Variants in RNF103 observed in about 807,000 individuals in gnomAD.
RNF103 encodes E3 ubiquitin-protein ligase RNF103.
In RNF103, 23 loss-of-function variants were observed where a neutral mutation model predicts 66.2. The ratio of observed to expected loss-of-function variants is 0.35; its 90% CI spans 0.25 to 0.49. RNF103 has a LOEUF of 0.49. Ranked by LOEUF, RNF103 falls within the 20% of genes least tolerant of loss-of-function variation. RNF103 has a pLI of 0.98. For missense variants in RNF103, 730 were observed against 814.7 expected (o/e 0.90, Z 1.27); for synonymous variants, 297 against 289.9 (o/e 1.02, Z -0.25).
intron 2 of RNF103, 57 bp downstream of exon 2, chr2:86,620,273 G>C: frequency 6.6e-7 from 1 of 1,519,978 alleles, no homozygotes; most frequent in South Asian, 1.3e-5. Flanking sequence ...ATACTATTTT[G>C]GTAAAAATAA....
rs777857991 is a variant in RNF103, at chr2:86,604,287, G to C, written c.1614C>G (p.Asp538Glu). 3.7e-6 allele frequency: 6 copies of C among 1,614,046 alleles called. No homozygotes were observed. In the East Asian group the frequency reaches 1.3e-4, roughly 36 times the overall value. ...AAGTGTCTGTGTTCTCACTTTCCGA[G>C]TCATTTTCAGTATCTTGAGACCCCT... Reference protein sequence around the residue: ...MSEGSQDTENDSESENTDTLS... With the variant: ...MSEGSQDTENESESENTDTLS... Residue 538 changes from aspartate (D) to glutamate (E), a missense_variant, in exon 4 of 4, where the codon GAC (aspartate) becomes GAG (glutamate). Physicochemically the swap from Asp to Glu is conservative, Grantham distance 45. Around this residue, in one of 3 missense-constraint regions of RNF103, gnomAD observed 355 missense variants for 351.9 expected, o/e 1.01. Coordinates refer to ENST00000237455, the MANE Select transcript of RNF103 (RefSeq NM_005667.4).
chr2:86,611,289 C>T (rs562394629), intron 3 of RNF103, among the ~76,000 whole-genome samples: 13 of 152,258 alleles, frequency 8.5e-5, no homozygotes, highest in Admixed American at 6.5e-4. Flanking sequence ...AACTTCCCTC[C>T]TATTCCCAAC....
intron 2 of RNF103, chr2:86,613,834 T>TA (rs1303585885): frequency 2.0e-5 from 3 of 152,232 alleles, no homozygotes; most frequent in Non-Finnish European, 2.9e-5. Flanking sequence ...TCCTCATACT[T>TA]ACCGAGACAC....
At chr2:86,617,907 GC>G in intron 2 of RNF103, 1 of 985,070 alleles carries the variant, frequency 1.0e-6, no homozygotes, top group Non-Finnish European at 1.4e-6. Flanking sequence ...CAGTTGTCCT[GC>G]CAGAGATTGT....
At chr2:86,616,650 T>A in intron 2 of RNF103, 1 of 985,208 alleles carries the variant, frequency 1.0e-6, no homozygotes, top group African/African-American at 1.7e-5. Flanking sequence ...AGGAAATATA[T>A]TGATGTAATA....
At chr2:86,621,998 C>CA (rs948809522) in intron 1 of RNF103, among the ~76,000 whole-genome samples, 1 of 151,752 alleles carries the variant, frequency 6.6e-6, no homozygotes, top group Non-Finnish European at 1.5e-5. Context: ...ACACAGAAGA[C>CA]AAAAAAAATT....
In RNF103 at chr2:86,614,841, T is replaced by A. The variant is rs955937534; in HGVS notation, c.367-2567A>T. On this transcript the variant is annotated intron_variant, in intron 2 of 3. Coordinates refer to ENST00000237455, the MANE Select transcript of RNF103 (RefSeq NM_005667.4). ...CCATACTCTCTACTCTTTGCCCTCTTTTAAAAATAACTCACTTTTCAGGCA... is the reference window on the plus strand; with the variant it reads ...CCATACTCTCTACTCTTTGCCCTCTATTAAAAATAACTCACTTTTCAGGCA... 1.1e-5 allele frequency: 11 copies of A among 985,266 alleles called. No homozygotes were observed. In the African/African-American group the frequency reaches 1.7e-4, roughly 16 times the overall value. 61.0% of individuals were successfully genotyped at this position (985,266 alleles called of 1,614,324 possible).
intron 1 of RNF103, among the ~76,000 whole-genome samples, chr2:86,622,311 G>A (rs938228655): frequency 6.6e-6 from 1 of 152,100 alleles, no homozygotes; most frequent in African/African-American, 2.4e-5. Flanking sequence ...TTTTTCTTAC[G>A]TTTTTATGAA....
In RNF103 at chr2:86,614,905, C is replaced by T. The variant is rs1678958741; in HGVS notation, c.367-2631G>A. 15 of 985,410 alleles carry T rather than the reference C, an allele frequency of 1.5e-5. No homozygotes were observed. The South Asian group carries it at 6.6e-4, about 43-fold the overall frequency. 61.0% of individuals were successfully genotyped at this position (985,410 alleles called of 1,614,324 possible). A position where few individuals can be genotyped will look rare whatever the true frequency, so the allele number is the denominator to read the frequency against. On this transcript the variant is annotated intron_variant, in intron 2 of 3. Transcript: ENST00000237455. The stretch of plus-strand genomic sequence containing the variant: ...TGATCAAGGTTGCAAATAACCCAAA[C>T]ATTTCAGGTCTGTGTGCAGAATGAC...
At chr2:86,613,899 C>T (rs1341418441) in intron 2 of RNF103, 1 of 152,074 alleles carries the variant, frequency 6.6e-6, no homozygotes, top group Non-Finnish European at 1.5e-5. Context: ...AATACATATA[C>T]ACAATTTAGG....
chr2:86,620,307 CA>C, intron 2 of RNF103, 22 bp downstream of exon 2: 1 of 1,567,732 alleles, frequency 6.4e-7, no homozygotes, highest in Non-Finnish European at 8.7e-7. Context: ...CTCGAATTAT[CA>C]AATTATTACT....
At chr2:86,606,762 T>G (rs1371383614) in intron 3 of RNF103, among the ~76,000 whole-genome samples, 1 of 152,034 alleles carries the variant, frequency 6.6e-6, no homozygotes, top group Non-Finnish European at 1.5e-5. Context: ...TTGTTTTTAT[T>G]TTTTAATTTT....
At chr2:86,605,618 TTAAA>T (rs1678518155) in intron 3 of RNF103, among the ~76,000 whole-genome samples, 200 bp from the exon 4 acceptor site, 1 of 152,074 alleles carries the variant, frequency 6.6e-6, no homozygotes, top group Admixed American at 6.6e-5. Context: ...TTTTTTTTTA[TTAAA>T]TAAAGTGTAT....
At chr2:86,611,788 G>C (rs1422726898) in intron 3 of RNF103, among the ~76,000 whole-genome samples, 1 of 152,208 alleles carries the variant, frequency 6.6e-6, no homozygotes, top group Non-Finnish European at 1.5e-5. Context: ...CAGAATGATA[G>C]AAGATTTATA....
In RNF103 at chr2:86,604,155, A is replaced by G. The variant is rs1285535451; in HGVS notation, c.1746T>C (p.Tyr582=). The change falls in exon 4 of 4, where the codon TAT becomes TAC. Residue 582 remains tyrosine (Y), a synonymous_variant. Coordinates refer to ENST00000237455, the MANE Select transcript of RNF103 (RefSeq NM_005667.4). ...DAEACSCANK[Y]CQTSPCERKG... ...TCCTTTCACATGGGCTGGTCTGACAATATTTATTGGCACATGAACAAGCCT... is the reference window on the plus strand; with the variant it reads ...TCCTTTCACATGGGCTGGTCTGACAGTATTTATTGGCACATGAACAAGCCT... 1 of 1,613,498 alleles carries G rather than the reference A, an allele frequency of 6.2e-7. No individual in the cohort carries two copies. Among genetic ancestry groups the G allele is most frequent in the East Asian group, 2.2e-5 (1 of 44,890 alleles).
Position 86,604,008 on chromosome 2 carries a change from T to A in RNF103, c.1893A>T (p.Gly631=). Residue 631 remains glycine (G), a synonymous_variant, in exon 4 of 4, where the codon GGA becomes GGT. Transcript: ENST00000237455. Reference sequence around the variant, plus strand: ...CACAAGGCAACCCCATTAGCAAACATCCATTTTCAAAATTCTCTAGGCAAA... The same window carrying A: ...CACAAGGCAACCCCATTAGCAAACAACCATTTTCAAAATTCTCTAGGCAAA... ...CVVCLENFEN[G]CLLMGLPCGH... The A allele has an allele frequency of 6.2e-7, 1 of 1,614,058 alleles. No individual in the cohort carries two copies. The highest frequency in any genetic ancestry group is 8.5e-7 in the Non-Finnish European group (1 of 1,180,018).
intron 2 of RNF103, among the ~76,000 whole-genome samples, chr2:86,619,266 C>T (rs1359589069): frequency 6.6e-6 from 1 of 152,186 alleles, no homozygotes; most frequent in Non-Finnish European, 1.5e-5. Context: ...ATAGCTTTTC[C>T]TACCATATTT....
At position 86,623,275 on chromosome 2, in the gene RNF103, C is replaced by T. The variant is rs1157965933; in HGVS notation, c.-389G>A. The stretch of plus-strand genomic sequence containing the variant: ...GACCCAGGTGGCGGGGTCGGCCCTC[C>T]GGTGCCGCGATCTCAAGGGGGAGGG... On this transcript the variant is annotated 5_prime_UTR_variant, in exon 1 of 4. Coordinates refer to ENST00000237455, the MANE Select transcript of RNF103 (RefSeq NM_005667.4). 8.0e-6 allele frequency: 8 copies of T among 995,910 alleles called. No individual in the cohort carries two copies. Among genetic ancestry groups the T allele is most frequent in the African/African-American group, 3.5e-5 (2 of 57,298 alleles). The allele number at this position is 995,910 out of a possible 1,614,324, so 61.7% of individuals were successfully genotyped here.
At chr2:86,611,152 C>T (rs1423436790) in intron 3 of RNF103, among the ~76,000 whole-genome samples, 1 of 151,464 alleles carries the variant, frequency 6.6e-6, no homozygotes, top group Non-Finnish European at 1.5e-5. Flanking sequence ...TGCACTACAG[C>T]CTGAGTCACA....
Sources: gnomAD v4.1 joint callset for allele counts (sites outside exome capture counted in the v4.1 genomes callset) on GRCh38, gnomAD v4.1.1 for gene constraint, gnomAD v4.1.1 regional missense constraint, MANE v1.5 for transcripts, NCBI Gene and HGNC (gene_info 2026-07-23, HGNC 2026-07-21) for gene names.